NAALADL2: variants seen among roughly 807,000 people sequenced by gnomAD.
NAALADL2 encodes the protein N-acetylated alpha-linked acidic dipeptidase like 2.
A neutral mutation model predicts 87.2 loss-of-function variants in NAALADL2; 76 were observed. The ratio of observed to expected loss-of-function variants is 0.87; its 90% confidence interval spans 0.72 to 1.05. NAALADL2 has a LOEUF of 1.05. Among genes scored for constraint, NAALADL2 ranks in the 50% least tolerant of loss-of-function variants. The probability of loss-of-function intolerance (pLI) is 0.00; values close to 1 mark genes in which losing one functional copy is unlikely to be tolerated. For synonymous variants in NAALADL2, 354 were observed against 331.0 expected, an observed-to-expected ratio of 1.07 and a Z score of -0.75; for missense variants, 1,089 against 945.8, an observed-to-expected ratio of 1.15 and a Z score of -1.99.
chr3:175,707,533 G>C (rs2149989484), intron 11 of NAALADL2, among the ~76,000 whole-genome samples: 1 of 152,142 alleles, frequency 6.6e-6, no homozygotes, highest in East Asian at 1.9e-4. Flanking sequence ...ATATTGCATA[G>C]ATAAGGAAAC....
intron 5 of NAALADL2, among the ~76,000 whole-genome samples, chr3:175,326,812 T>C (rs1459563759): frequency 1.3e-5 from 2 of 152,200 alleles, no homozygotes; most frequent in East Asian, 3.9e-4. Context: ...CATTAATCCA[T>C]GTGTGAGAAT....
intron 9 of NAALADL2, among the ~76,000 whole-genome samples, chr3:175,479,645 C>T (rs1452544642): frequency 6.6e-6 from 1 of 151,770 alleles, no homozygotes; most frequent in African/African-American, 2.4e-5. Flanking sequence ...AAGCACAACT[C>T]TATATACAGT....
chr3:174,824,013 C>A (rs1321257460), intron 3 of NAALADL2, among the ~76,000 whole-genome samples: 1 of 152,124 alleles, frequency 6.6e-6, no homozygotes, highest in African/African-American at 2.4e-5. Flanking sequence ...TTGGTTCTTT[C>A]ATTTTTAACA....
intron 1 of NAALADL2, among the ~76,000 whole-genome samples, chr3:174,487,619 TAG>T (rs569243687): frequency 1.7e-4 from 26 of 151,826 alleles, no homozygotes; most frequent in South Asian, 4.2e-4. Flanking sequence ...TTTCAGCAGG[TAG>T]ATGAGGGAGG....
intron 9 of NAALADL2, among the ~76,000 whole-genome samples, chr3:175,520,282 ATTTTTTTTT>A (rs35580351): frequency 1.3e-4 from 10 of 78,142 alleles, no homozygotes; most frequent in Non-Finnish European, 1.7e-4. Flanking sequence ...AAAGAATGCA[ATTTTTTTTT>A]TTTTTTTTTT....
At chr3:175,605,651 T>TTTGTTTTTTG (rs1723627645) in intron 10 of NAALADL2, among the ~76,000 whole-genome samples, 4 of 146,444 alleles carry the variant, frequency 2.7e-5, no homozygotes, top group Admixed American at 7.3e-5. Flanking sequence ...TTTTTTTTTT[T>TTTGTTTTTTG]TTTTTAACTG....
intron 3 of NAALADL2, among the ~76,000 whole-genome samples, chr3:174,774,945 C>T (rs1421729167): frequency 5.3e-5 from 8 of 152,032 alleles, no homozygotes; most frequent in Admixed American, 5.2e-4. Context: ...TACTTCAGTT[C>T]TCACAAACGG....
chr3:175,185,362 A>G (rs756691256), intron 2 of NAALADL2, among the ~76,000 whole-genome samples: 1 of 152,088 alleles, frequency 6.6e-6, no homozygotes, highest in Non-Finnish European at 1.5e-5. Context: ...AGTGTAGTTT[A>G]TAAAAGAAAA....
intron 1 of NAALADL2, among the ~76,000 whole-genome samples, chr3:174,494,423 A>G (rs866322082): frequency 6.8e-6 from 1 of 146,882 alleles, no homozygotes; most frequent in South Asian, 2.2e-4. Context: ...GAATTGAACA[A>G]TGAGAACACT....
At chr3:175,305,012 C>A (rs1429713935) in intron 4 of NAALADL2, among the ~76,000 whole-genome samples, 1 of 151,862 alleles carries the variant, frequency 6.6e-6, no homozygotes, top group Non-Finnish European at 1.5e-5. Context: ...TTCATTGTTA[C>A]ATATTTTACT....
At position 175,561,563 on chromosome 3, in the gene NAALADL2, C is replaced by T. The variant is rs192129173; in HGVS notation, c.1654-14478C>T. ...CTATCAATAGATAGTATTTCACAGACATGCTATCTACAAAATATGCTGTAC... is the reference window on the plus strand; with the variant it reads ...CTATCAATAGATAGTATTTCACAGATATGCTATCTACAAAATATGCTGTAC... On this transcript the variant is annotated intron_variant, in intron 9 of 13. Coordinates refer to ENST00000454872, the MANE Select transcript of NAALADL2 (RefSeq NM_207015.3). Among the ~76,000 whole-genome samples the T allele has an allele frequency of 1.6e-3, 248 of 152,210 alleles. 3 individuals carry two copies. The highest frequency in any genetic ancestry group is 0.012 in the Admixed American group (183 of 15,294).
chr3:175,399,506 G>A (rs914629633), intron 5 of NAALADL2, among the ~76,000 whole-genome samples: 2 of 152,108 alleles, frequency 1.3e-5, no homozygotes, highest in African/African-American at 4.8e-5. Context: ...TAAACAAGGG[G>A]TGGATTATTC....
chr3:175,389,308 G>A lies in NAALADL2; in HGVS notation c.1091-57921G>A, dbSNP rs925567336. Among the ~76,000 whole-genome samples the A allele has an allele frequency of 3.3e-5, 5 of 152,072 alleles. 1 individual carries two copies. The highest frequency in any genetic ancestry group is 2.1e-4 in the South Asian group (1 of 4,822). On this transcript the variant is annotated intron_variant, in intron 5 of 13. Coordinates refer to ENST00000454872, the MANE Select transcript of NAALADL2 (RefSeq NM_207015.3). ...TTTAAATTCTCTAATTACTGGCAAC[G>A]ACGCCACCTGGCAGAATTTACATTT...
intron 5 of NAALADL2, among the ~76,000 whole-genome samples, chr3:175,369,815 AC>A (rs1177570163): frequency 6.6e-6 from 1 of 152,128 alleles, no homozygotes; most frequent in Non-Finnish European, 1.5e-5. Context: ...TTCTTCCTAA[AC>A]CCTTCATCTG....
At chr3:174,757,513 T>C (rs1260811505) in intron 3 of NAALADL2, among the ~76,000 whole-genome samples, 1 of 151,872 alleles carries the variant, frequency 6.6e-6, no homozygotes, top group Non-Finnish European at 1.5e-5. Flanking sequence ...TTTTTTTAAG[T>C]TGGAGTCTCG....
At chr3:175,773,792 G>A (rs976906892) in intron 13 of NAALADL2, 3 of 152,220 alleles carry the variant, frequency 2.0e-5, no homozygotes, top group East Asian at 3.9e-4. Context: ...AAATATGGCA[G>A]TAAACACTAG....
intron 2 of NAALADL2, among the ~76,000 whole-genome samples, chr3:174,607,761 A>G (rs986266162): frequency 2.0e-5 from 3 of 152,170 alleles, no homozygotes; most frequent in African/African-American, 4.8e-5. Context: ...GATCAACGAG[A>G]CAGAAAGTTA....
chr3:175,187,712 A>G (rs1295511869), intron 2 of NAALADL2, among the ~76,000 whole-genome samples: 1 of 152,074 alleles, frequency 6.6e-6, no homozygotes, highest in African/African-American at 2.4e-5. Context: ...TGACTATCCC[A>G]TTAAGATATG....
At chr3:175,183,756 A>G (rs775911120) in intron 2 of NAALADL2, among the ~76,000 whole-genome samples, 6 of 152,036 alleles carry the variant, frequency 3.9e-5, no homozygotes, top group Non-Finnish European at 8.8e-5. Context: ...GGACATTTGC[A>G]TCTATGTTGA....
Sources: gnomAD v4.1 joint callset for allele counts (sites outside exome capture counted in the v4.1 genomes callset) on GRCh38, gnomAD v4.1.1 for gene constraint, MANE v1.5 for transcripts, NCBI Gene and HGNC (gene_info 2026-07-23, HGNC 2026-07-21) for gene names.